Variants in FOXP2 observed in about 807,000 individuals in gnomAD.
FOXP2 encodes forkhead box protein P2.
Under a neutral mutation model 115.8 loss-of-function variants are expected in FOXP2, and 12 were observed. The observed-to-expected ratio is 0.10, with a 90% CI of 0.07 to 0.17. The LOEUF (loss-of-function observed/expected upper bound fraction) is 0.17, where lower values mean the gene tolerates loss of function less well. Among genes scored for constraint, FOXP2 ranks in the 10% least tolerant of loss-of-function variants. The probability of loss-of-function intolerance (pLI) is 1.00; values close to 1 mark genes in which losing one functional copy is unlikely to be tolerated. For synonymous variants in FOXP2, 328 were observed against 297.7 expected (o/e 1.10, Z -1.05); for missense variants, 629 against 843.5 (o/e 0.75, Z 3.15).
intron 1 of FOXP2, among the ~76,000 whole-genome samples, chr7:114,132,252 A>G (rs1043168870): frequency 1.3e-5 from 2 of 152,048 alleles, no homozygotes; most frequent in African/African-American, 2.4e-5. Flanking sequence ...TTCTTTTTCT[A>G]CTTTTTTCCC....
chr7:114,584,499 C>A (rs1802029864), intron 3 of FOXP2, among the ~76,000 whole-genome samples: 1 of 152,182 alleles, frequency 6.6e-6, no homozygotes, highest in African/African-American at 2.4e-5. Context: ...ATTTCCTTAT[C>A]TTTCTTGAAC....
intron 2 of FOXP2, among the ~76,000 whole-genome samples, chr7:114,461,186 G>C (rs767115799): frequency 1.3e-5 from 2 of 152,098 alleles, no homozygotes; most frequent in Non-Finnish European, 2.9e-5. Context: ...GATTTCATTA[G>C]CTTAAACTCA....
Position 114,414,892 on chromosome 7 carries a change from T to A in FOXP2, c.-479T>A, listed in dbSNP as rs941810897. On this transcript the variant is annotated 5_prime_UTR_variant, in exon 1 of 17. Transcript: ENST00000350908. ...CTCTCTCTCTCTGTCTTTCTCTCTCTCACACACACACTCACACACTCACAC... is the reference window on the plus strand; with the variant it reads ...CTCTCTCTCTCTGTCTTTCTCTCTCACACACACACACTCACACACTCACAC... 6 of 348,724 alleles carry A rather than the reference T, an allele frequency of 1.7e-5. No individual in the cohort carries two copies. The highest frequency in any genetic ancestry group is 2.3e-5 in the Non-Finnish European group (4 of 176,038). The allele number at this position is 348,724 out of a possible 1,614,324, so 21.6% of individuals were successfully genotyped here.
intron 2 of FOXP2, among the ~76,000 whole-genome samples, chr7:114,386,183 G>T (rs925363521): frequency 6.6e-6 from 1 of 152,172 alleles, no homozygotes; most frequent in Non-Finnish European, 1.5e-5. Context: ...GTGGTGGATG[G>T]TGAGCGAAAG....
chr7:114,331,235 T>A (rs1323416229), intron 2 of FOXP2, among the ~76,000 whole-genome samples: 2 of 152,194 alleles, frequency 1.3e-5, no homozygotes, highest in African/African-American at 4.8e-5. Flanking sequence ...TTTAGTTTTA[T>A]AATTAATACA....
chr7:114,686,297 C>G (rs1290927214), intron 16 of FOXP2, among the ~76,000 whole-genome samples: 1 of 151,972 alleles, frequency 6.6e-6, no homozygotes, highest in African/African-American at 2.4e-5. Flanking sequence ...CTCGGCCTCC[C>G]GAGTAACTGG....
chr7:114,654,850 C>T (rs901506253), intron 10 of FOXP2, among the ~76,000 whole-genome samples: 11 of 152,026 alleles, frequency 7.2e-5, no homozygotes, highest in African/African-American at 2.4e-4. Context: ...AAAAAACGAA[C>T]ATTTGGCTTT....
In FOXP2 at chr7:114,534,694, G is replaced by C. The variant is rs755668650; in HGVS notation, c.246G>C (p.Gln82His). The C allele has an allele frequency of 1.9e-6, 3 of 1,611,390 alleles. No individual in the cohort carries two copies. In the African/African-American group the frequency reaches 4.0e-5, roughly 22 times the overall value. ...AATCTCCTAAGAGCAGTGATAAACA[G>C]AGACCACTGCAGGTTAGTAAAGCAC... The part of the protein sequence containing the change: ...GLKSPKSSDK[Q>H]RPLQVPVSVA... Residue 82 changes from glutamine to histidine, a missense_variant, in exon 3 of 17, where the codon CAG (glutamine) becomes CAC (histidine). Gln to His is a conservative substitution (Grantham distance 24). Around this residue, in one of 9 missense-constraint regions of FOXP2, gnomAD observed 91 missense variants for 98.3 expected, o/e 0.93. Coordinates refer to ENST00000350908, the MANE Select transcript of FOXP2 (RefSeq NM_014491.4).
intron 3 of FOXP2, among the ~76,000 whole-genome samples, chr7:114,612,868 C>T (rs1217966984): frequency 1.3e-5 from 2 of 152,110 alleles, no homozygotes; most frequent in South Asian, 2.1e-4. Flanking sequence ...CTGTTTATTT[C>T]GAATCAGAAT....
chr7:114,255,596 C>T (rs898956120), intron 1 of FOXP2, among the ~76,000 whole-genome samples: 2 of 152,162 alleles, frequency 1.3e-5, no homozygotes, highest in African/African-American at 2.4e-5. Context: ...CCGAGCCAGG[C>T]GGGCAATATA....
At chr7:114,358,768 C>A (rs1229597339) in intron 2 of FOXP2, among the ~76,000 whole-genome samples, 1 of 152,096 alleles carries the variant, frequency 6.6e-6, no homozygotes, top group African/African-American at 2.4e-5. Context: ...TTCTAAGCAG[C>A]AAAGTGTTCA....
chr7:114,218,194 T>C (rs1794531909), intron 1 of FOXP2, among the ~76,000 whole-genome samples: 1 of 152,214 alleles, frequency 6.6e-6, no homozygotes, highest in South Asian at 2.1e-4. Context: ...GCCGATGTAC[T>C]ATTAGTCTAC....
At chr7:114,305,795 A>T (rs1176095582) in intron 2 of FOXP2, among the ~76,000 whole-genome samples, 4 of 152,114 alleles carry the variant, frequency 2.6e-5, no homozygotes, top group Middle Eastern at 3.4e-3. Flanking sequence ...ACACATATTA[A>T]CTCATTTAAT....
At chr7:114,097,533 A>C (rs1799677527) in intron 1 of FOXP2, among the ~76,000 whole-genome samples, 1 of 152,170 alleles carries the variant, frequency 6.6e-6, no homozygotes, top group African/African-American at 2.4e-5. Flanking sequence ...CATTCAAGTA[A>C]GTTTTTATAT....
At chr7:114,161,654 G>GCATATATATATATA (rs1554424363), upstream of FOXP2, among the ~76,000 whole-genome samples, 1 of 151,436 alleles carries the variant, frequency 6.6e-6, no homozygotes, top group African/African-American at 2.4e-5. Flanking sequence ...GTGTGTGCGT[G>GCATATATATATATA]TATATATATA....
At chr7:114,489,496 C>T (rs940503348) in intron 2 of FOXP2, among the ~76,000 whole-genome samples, 25 of 151,900 alleles carry the variant, frequency 1.6e-4, no homozygotes, top group Non-Finnish European at 8.8e-5. Flanking sequence ...GTCCTTTTCT[C>T]TTTTCCTCCT....
At chr7:114,652,573 G>T (rs781236405) in intron 9 of FOXP2, among the ~76,000 whole-genome samples, 2 of 152,018 alleles carry the variant, frequency 1.3e-5, no homozygotes, top group African/African-American at 2.4e-5. Flanking sequence ...TTTTCCCAAT[G>T]CAGGTTAGAC....
chr7:114,415,289 T>C lies in FOXP2; in HGVS notation c.-82T>C, dbSNP rs2129199749. Reference sequence around the variant, plus strand: ...CTGTGCTGGCTTTTTTGAATCTTCCTAATTTTTCATCTCTTTAACAAACTC... The same window carrying C: ...CTGTGCTGGCTTTTTTGAATCTTCCCAATTTTTCATCTCTTTAACAAACTC... On this transcript the variant is annotated 5_prime_UTR_variant, in exon 1 of 17. Transcript: ENST00000350908. 2.2e-6 allele frequency: 1 copy of C among 453,736 alleles called. No homozygotes were observed. The highest frequency in any genetic ancestry group is 1.6e-5 in the South Asian group (1 of 64,464). The allele number at this position is 453,736 out of a possible 1,614,324, so 28.1% of individuals were successfully genotyped here. A position where few individuals can be genotyped will look rare whatever the true frequency, so the allele number is the denominator to read the frequency against.
intron 1 of FOXP2, among the ~76,000 whole-genome samples, chr7:114,198,516 G>A (rs1026090779): frequency 6.6e-6 from 1 of 152,160 alleles, no homozygotes; most frequent in Non-Finnish European, 1.5e-5. Context: ...TAAGAAACAT[G>A]CAACCTAGAT....
Sources: gnomAD v4.1 joint callset for allele counts (sites outside exome capture counted in the v4.1 genomes callset) on GRCh38, gnomAD v4.1.1 for gene constraint, gnomAD v4.1.1 regional missense constraint, MANE v1.5 for transcripts, NCBI Gene and HGNC (gene_info 2026-07-23, HGNC 2026-07-21) for gene names.